SDCCAG8: variants seen among roughly 807,000 people sequenced by gnomAD.
The protein encoded by SDCCAG8 is serologically defined colon cancer antigen 8.
Under a neutral mutation model 101.8 loss-of-function variants are expected in SDCCAG8, and 74 were observed. The observed-to-expected ratio is 0.73, with a 90% CI of 0.60 to 0.88. The LOEUF (loss-of-function observed/expected upper bound fraction) is 0.88, where lower values mean the gene tolerates loss of function less well. Ranked by LOEUF, SDCCAG8 falls within the 40% of genes least tolerant of loss-of-function variation. The probability of loss-of-function intolerance (pLI) is 0.00; values close to 1 mark genes in which losing one functional copy is unlikely to be tolerated. For missense variants in SDCCAG8, 787 were observed against 822.6 expected, an observed-to-expected ratio of 0.96 and a Z score of 0.53; for synonymous variants, 281 against 292.9, an observed-to-expected ratio of 0.96 and a Z score of 0.41.
At chr1:243,296,157 G>A (rs1024373117) in intron 6 of SDCCAG8, among the ~76,000 whole-genome samples, 1 of 151,902 alleles carries the variant, frequency 6.6e-6, no homozygotes, top group African/African-American at 2.4e-5. Flanking sequence ...TACCACACCT[G>A]GTTAATTTTT....
At chr1:243,467,789 C>T (rs563118136) in intron 16 of SDCCAG8, among the ~76,000 whole-genome samples, 217 of 152,266 alleles carry the variant, frequency 1.4e-3, no homozygotes, top group Non-Finnish European at 2.6e-3. Flanking sequence ...AAACGCATGT[C>T]ACGTCCTGCC....
intron 16 of SDCCAG8, among the ~76,000 whole-genome samples, chr1:243,430,817 G>T (rs536532623): frequency 3.9e-4 from 60 of 152,252 alleles, no homozygotes; most frequent in African/African-American, 1.4e-3. Flanking sequence ...TTAAAAAATA[G>T]AGGAGATGTG....
At chr1:243,403,494 A>G (rs1340409781) in intron 13 of SDCCAG8, among the ~76,000 whole-genome samples, 1 of 152,188 alleles carries the variant, frequency 6.6e-6, no homozygotes, top group Non-Finnish European at 1.5e-5. Flanking sequence ...TTTATATGTA[A>G]TATCCTCATA....
chr1:243,298,153 A>G (rs929162741), intron 6 of SDCCAG8, among the ~76,000 whole-genome samples: 3 of 151,092 alleles, frequency 2.0e-5, no homozygotes, highest in African/African-American at 7.3e-5. Context: ...GGTTCAGGCA[A>G]TTCCTCAGTC....
chr1:243,473,921 GC>G (rs369832210), intron 16 of SDCCAG8, among the ~76,000 whole-genome samples: 498 of 14,566 alleles, frequency 0.034, 18 homozygotes, highest in South Asian at 0.13. Context: ...AGAGTTGCCG[GC>G]GGGGGGGGGG....
chr1:243,358,921 G>A (rs1287873578), intron 12 of SDCCAG8, among the ~76,000 whole-genome samples: 1 of 152,190 alleles, frequency 6.6e-6, no homozygotes, highest in Admixed American at 6.5e-5. Context: ...AATCTATAGA[G>A]ACAGAAAGAT....
chr1:243,309,988 C>T (rs373647517), intron 8 of SDCCAG8, among the ~76,000 whole-genome samples: 70 of 152,176 alleles, frequency 4.6e-4, no homozygotes, highest in African/African-American at 1.5e-3. Flanking sequence ...CTCAGCCTCC[C>T]GAGTAGCTGG....
chr1:243,393,646 C>G (rs2078859489), intron 13 of SDCCAG8, among the ~76,000 whole-genome samples: 1 of 152,066 alleles, frequency 6.6e-6, no homozygotes, highest in African/African-American at 2.4e-5. Flanking sequence ...TTGATTTTTG[C>G]TGTTTGTATG....
intron 1 of SDCCAG8, among the ~76,000 whole-genome samples, chr1:243,259,049 G>A (rs1054817045): frequency 6.6e-6 from 1 of 152,136 alleles, no homozygotes; most frequent in South Asian, 2.1e-4. Context: ...GGAAGTGGCC[G>A]CATAAAAATG....
intron 1 of SDCCAG8, chr1:243,268,145 C>T (rs980240465): frequency 7.9e-6 from 5 of 635,916 alleles, no homozygotes; most frequent in South Asian, 3.6e-5. Context: ...CTGTTTCTTC[C>T]GTAATCACCA....
chr1:243,267,735 A>C (rs1399338507), intron 1 of SDCCAG8: 1 of 800,178 alleles, frequency 1.2e-6, no homozygotes, highest in Non-Finnish European at 2.3e-6. Context: ...AATTGTTCAA[A>C]TCTTGGATCC....
At chr1:243,401,909 T>A (rs2079424244) in intron 13 of SDCCAG8, among the ~76,000 whole-genome samples, 1 of 152,190 alleles carries the variant, frequency 6.6e-6, no homozygotes, top group African/African-American at 2.4e-5. Flanking sequence ...TTTAATAGTT[T>A]TTGAAAATTA....
chr1:243,499,942 C>A lies in SDCCAG8; in HGVS notation c.*157C>A. On this transcript the variant is annotated 3_prime_UTR_variant, in exon 18 of 18. Coordinates refer to ENST00000366541, the MANE Select transcript of SDCCAG8 (RefSeq NM_006642.5). ...CTCATCAACGCGGGCGCTGTCCCCG[C>A]ACGCAGTCGGGCTGGAGCTGGAGTC... is the stretch of plus-strand genomic sequence containing the variant. The A allele has an allele frequency of 1.4e-6, 1 of 704,882 alleles. No individual in the cohort carries two copies. The highest frequency in any genetic ancestry group is 2.6e-6 in the Non-Finnish European group (1 of 392,152). 43.7% of individuals were successfully genotyped at this position (704,882 alleles called of 1,614,324 possible).
At chr1:243,393,241 C>T (rs923204177) in intron 13 of SDCCAG8, among the ~76,000 whole-genome samples, 2 of 152,032 alleles carry the variant, frequency 1.3e-5, no homozygotes, top group African/African-American at 4.8e-5. Context: ...GGATGGTAGC[C>T]GGGTGCCAGG....
At chr1:243,325,288 A>T (rs933077153) in intron 9 of SDCCAG8, among the ~76,000 whole-genome samples, 1 of 152,194 alleles carries the variant, frequency 6.6e-6, no homozygotes, top group Admixed American at 6.5e-5. Context: ...AATCTATAGC[A>T]TTTTCAGTAA....
intron 16 of SDCCAG8, among the ~76,000 whole-genome samples, chr1:243,447,327 A>G (rs2083001530): frequency 1.3e-5 from 2 of 151,994 alleles, no homozygotes; most frequent in South Asian, 4.2e-4. Flanking sequence ...CTCATCGCTA[A>G]ATGAGGAATG....
Position 243,496,969 on chromosome 1 carries a change from G to A in SDCCAG8, c.2113-2787G>A, listed in dbSNP as rs191472181. Among the ~76,000 whole-genome samples, 159 of 152,332 alleles carry A rather than the reference G, an allele frequency of 1.0e-3. 1 individual carries two copies. The highest frequency in any genetic ancestry group is 5.6e-3 in the Admixed American group (85 of 15,306). On this transcript the variant is annotated intron_variant, in intron 17 of 17. Coordinates refer to ENST00000366541, the MANE Select transcript of SDCCAG8 (RefSeq NM_006642.5). ...AGGGCGCCCTGTCGCCCCCCTCTGAGCTGCAGGACAGCCACAGGAGGGCCA... is the reference window on the plus strand; with the variant it reads ...AGGGCGCCCTGTCGCCCCCCTCTGAACTGCAGGACAGCCACAGGAGGGCCA...
intron 16 of SDCCAG8, among the ~76,000 whole-genome samples, chr1:243,446,983 G>A (rs533792852): frequency 6.6e-6 from 1 of 152,282 alleles, no homozygotes; most frequent in African/African-American, 2.4e-5. Flanking sequence ...CGGGCACGGT[G>A]TCTCACGCCT....
At chr1:243,382,356 C>T (rs560740149) in intron 13 of SDCCAG8, among the ~76,000 whole-genome samples, 1 of 152,214 alleles carries the variant, frequency 6.6e-6, no homozygotes, top group East Asian at 1.9e-4. Context: ...TGGGTCAAGT[C>T]TGACCCATCA....
Sources: allele counts gnomAD v4.1 joint callset (sites outside exome capture counted in the v4.1 genomes callset), GRCh38; gene constraint gnomAD v4.1.1; transcripts MANE v1.5; gene names NCBI Gene and HGNC (gene_info 2026-07-23, HGNC 2026-07-21).